The following RABL6 variants were observed in gnomAD, a reference collection of about 807,000 sequenced individuals.
RABL6 encodes the protein RAB, member RAS oncogene family like 6.
In RABL6, 28 loss-of-function variants were observed where a neutral mutation model predicts 72.9. The observed-to-expected ratio is 0.38, with a 90% CI of 0.28 to 0.53. RABL6 has a LOEUF of 0.53. RABL6 is among the 20% of genes least tolerant of loss of function. The probability of loss-of-function intolerance (pLI) is 0.80; values close to 1 mark genes in which losing one functional copy is unlikely to be tolerated. For missense variants in RABL6, 1,029 were observed against 1,008.4 expected (o/e 1.02, Z -0.28); for synonymous variants, 477 against 421.2 (o/e 1.13, Z -1.62).
chr9:136,840,393 G>GCGGCGA lies in RABL6; in HGVS notation c.2067_2072dup (p.Arg690_Arg691dup). ...AGGACAAGGAGGAGGGCAAGGAGGA[G>GCGGCGA]CGGCGACGGCGGCAGCAGCGGCCCC... On this transcript the variant is annotated inframe_insertion, in exon 15 of 15. Coordinates refer to ENST00000311502, the MANE Select transcript of RABL6 (RefSeq NM_024718.5). 6.4e-7 allele frequency: 1 copy of GCGGCGA among 1,551,588 alleles called. No individual in the cohort carries two copies. Among genetic ancestry groups the GCGGCGA allele is most frequent in the Admixed American group, 2.0e-5 (1 of 51,072 alleles).
intron 7 of RABL6, 120 bp downstream of exon 7, chr9:136,832,490 T>C (rs1848498390): frequency 2.3e-6 from 2 of 875,572 alleles, no homozygotes; most frequent in East Asian, 2.5e-5. Context: ...TGCTCGGAGA[T>C]TGGCTGCTGG....
chr9:136,839,569 A>T, intron 12 of RABL6, 83 bp downstream of exon 12: 1 of 1,554,000 alleles, frequency 6.4e-7, no homozygotes, highest in Non-Finnish European at 8.7e-7. Flanking sequence ...GTGCAGTGGG[A>T]GGAGGCTTCT....
chr9:136,822,778 C>G (rs776902901), intron 1 of RABL6, among the ~76,000 whole-genome samples: 2 of 152,212 alleles, frequency 1.3e-5, no homozygotes, highest in African/African-American at 2.4e-5. Context: ...GCAGGCCCCG[C>G]GTTCTGCAGA....
In RABL6 at chr9:136,840,226, C is replaced by G. The variant is rs1848664557; in HGVS notation, c.1989+14C>G. ...AAAGGCAAAGAGGTACTGGCTACTC[C>G]CCTTCCTGGCAGGCCAGGACTGGGT... On this transcript the variant is annotated intron_variant, in intron 14 of 14. Coordinates refer to ENST00000311502, the MANE Select transcript of RABL6 (RefSeq NM_024718.5). 1.9e-6 allele frequency: 3 copies of G among 1,612,582 alleles called. No individual in the cohort carries two copies. The highest frequency in any genetic ancestry group is 2.5e-6 in the Non-Finnish European group (3 of 1,179,810).
chr9:136,825,870 T>C, intron 3 of RABL6, 44 bp downstream of exon 3: 1 of 1,580,200 alleles, frequency 6.3e-7, no homozygotes, highest in East Asian at 2.2e-5. Flanking sequence ...TGGGACTGTG[T>C]GCTCTGCGCA....
In RABL6 at chr9:136,833,846, T is replaced by C; in HGVS notation, c.705+1476T>C. ...TTGGAAGGAAGGCGGCAGTCAGACTTGTCCTGTGCCGGCACTGCTGGGGAG... is the reference window on the plus strand; with the variant it reads ...TTGGAAGGAAGGCGGCAGTCAGACTCGTCCTGTGCCGGCACTGCTGGGGAG... On this transcript the variant is annotated intron_variant, in intron 7 of 14. Coordinates refer to ENST00000311502, the MANE Select transcript of RABL6 (RefSeq NM_024718.5). 6 of 1,550,518 alleles carry C rather than the reference T, an allele frequency of 3.9e-6. No individual in the cohort carries two copies. The South Asian group carries it at 7.1e-5, about 18-fold the overall frequency.
Position 136,822,981 on chromosome 9 carries a change from G to A in RABL6, c.131-544G>A, listed in dbSNP as rs572915697. ...CGGGCGCCTGTAGTCCCAGCTACTC[G>A]GGAGGCTGAGACAGGAGAATGGCGT... On this transcript the variant is annotated intron_variant, in intron 1 of 14. Transcript: ENST00000311502. Among the ~76,000 whole-genome samples the A allele has an allele frequency of 5.1e-3, 774 of 152,134 alleles. 9 individuals are homozygous for A. Among genetic ancestry groups the A allele is most frequent in the African/African-American group, 0.017 (725 of 41,486 alleles).
chr9:136,832,948 C>T (rs1308589915), intron 7 of RABL6: 3 of 335,068 alleles, frequency 9.0e-6, no homozygotes, highest in African/African-American at 2.2e-5. Context: ...AACCTCCTCG[C>T]CCTGGGCTGC....
At chr9:136,837,230 C>A (rs55947586) in intron 8 of RABL6, 116 bp from the exon 9 acceptor site, 2 of 1,225,694 alleles carry the variant, frequency 1.6e-6, no homozygotes, top group Admixed American at 4.0e-5. Context: ...GGCGGGTGGC[C>A]CAGAACACAG....
chr9:136,824,084 G>A (rs559536157), intron 2 of RABL6, among the ~76,000 whole-genome samples: 111 of 152,212 alleles, frequency 7.3e-4, no homozygotes, highest in Non-Finnish European at 1.3e-3. Context: ...TGGAAAGTTC[G>A]TGTCACTAAA....
At chr9:136,818,362 C>CAAAAAAAAAAAAAAAACAAAA (rs1564360779) in intron 1 of RABL6, among the ~76,000 whole-genome samples, 3 of 15,022 alleles carry the variant, frequency 2.0e-4, no homozygotes, top group Non-Finnish European at 3.7e-4. Flanking sequence ...GACTCTGTCT[C>CAAAAAAAAAAAAAAAACAAAA]AAAAAAAAAA....
chr9:136,825,770 C>T lies in RABL6; in HGVS notation c.266-9C>T. 1 of 1,613,346 alleles carries T rather than the reference C, an allele frequency of 6.2e-7. No individual in the cohort carries two copies. Among genetic ancestry groups the T allele is most frequent in the Non-Finnish European group, 8.5e-7 (1 of 1,179,316 alleles). ...TTGGGCACTAATTTTAGGATTCTCC[C>T]TGTTTCAGCCACGGATGACATCGTG... On this transcript the variant is annotated splice_polypyrimidine_tract_variant and intron_variant, in intron 2 of 14. Coordinates refer to ENST00000311502, the MANE Select transcript of RABL6 (RefSeq NM_024718.5).
intron 1 of RABL6, among the ~76,000 whole-genome samples, chr9:136,818,041 A>G (rs1848155462): frequency 6.9e-6 from 1 of 145,026 alleles, no homozygotes; most frequent in Admixed American, 7.0e-5. Flanking sequence ...CAGCCTGGGC[A>G]ACAGAACAAG....
At chr9:136,808,678 G>A (rs1847928833) in intron 1 of RABL6, 1 of 154,192 alleles carries the variant, frequency 6.5e-6, no homozygotes, top group South Asian at 2.1e-4. Context: ...CCGGCCCGGG[G>A]CGCCGCGCCC....
rs762896475 is a variant in RABL6 at position 136,840,169 on chromosome 9, C to T, written c.1946C>T (p.Thr649Ile). The change falls in exon 14 of 15, where the codon ACC becomes ATC. Residue 649 changes from threonine (T) to isoleucine (I), a missense_variant. Around this residue, in one of 2 missense-constraint regions of RABL6, gnomAD observed 595 missense variants for 472.4 expected, o/e 1.26. Coordinates refer to ENST00000311502, the MANE Select transcript of RABL6 (RefSeq NM_024718.5). ...GTCTGTGCAGGTAAGGAGGGCAAAACCCCCTCTAAGGAGAAGAAGAAGAAG... is the reference window on the plus strand; with the variant it reads ...GTCTGTGCAGGTAAGGAGGGCAAAATCCCCTCTAAGGAGAAGAAGAAGAAG... The part of the protein sequence containing the change: ...ESSEEGKEGK[T>I]PSKEKKKKKK... The T allele has an allele frequency of 1.7e-5, 28 of 1,612,638 alleles. 2 individuals carry two copies. The highest frequency in any genetic ancestry group is 6.6e-5 in the South Asian group (6 of 91,076).
chr9:136,834,104 GTC>G, intron 7 of RABL6: 5 of 1,324,066 alleles, frequency 3.8e-6, no homozygotes, highest in Non-Finnish European at 3.9e-6. Context: ...GTCCTCGCCT[GTC>G]TCAGCAGCGG....
intron 10 of RABL6, 150 bp downstream of exon 10, chr9:136,838,165 G>A: frequency 9.5e-7 from 1 of 1,055,164 alleles, no homozygotes; most frequent in Non-Finnish European, 1.4e-6. Flanking sequence ...TGTGGCTGGA[G>A]CAGACGAGGG....
rs746339336 is a variant in RABL6, at chr9:136,837,978, A to G, written c.1243A>G (p.Lys415Glu). The change falls in exon 10 of 15, where the codon AAG (lysine) becomes GAG (glutamate). Residue 415 changes from lysine to glutamate, a missense_variant. By Grantham distance (56) the Lys-to-Glu change is moderately conservative (BLOSUM62 1). Coordinates refer to ENST00000311502, the MANE Select transcript of RABL6 (RefSeq NM_024718.5). ...EDTTPARDEK[K>E]VGAKAAQQDS... ...CACAACCCCCGCCAGGGACGAGAAG[A>G]AGGTGGGGGCCAAGGCTGCCCAGCA... 8.9e-6 allele frequency: 14 copies of G among 1,569,518 alleles called. No individual in the cohort carries two copies. The Middle Eastern group carries it at 1.2e-3, about 131-fold the overall frequency.
At position 136,837,373 on chromosome 9, in the gene RABL6, C is replaced by T; in HGVS notation, c.837C>T (p.Ser279=). 1 of 1,603,292 alleles carries T rather than the reference C, an allele frequency of 6.2e-7. No individual in the cohort carries two copies. Among genetic ancestry groups the T allele is most frequent in the Non-Finnish European group, 8.5e-7 (1 of 1,175,862 alleles). Residue 279 remains serine (S), a synonymous_variant, in exon 9 of 15, where the codon AGC becomes AGT. Transcript: ENST00000311502. ...GIFLEMMEAR[S]RGHASPLAAN... is the part of the protein sequence containing the mutation. ...TCCTGGAGATGATGGAGGCTCGCAG[C>T]CGTGGCCATGCGTCCCCACTGGCGG...
Sources: allele counts gnomAD v4.1 joint callset (sites outside exome capture counted in the v4.1 genomes callset), GRCh38; gene constraint gnomAD v4.1.1; regional missense constraint gnomAD v4.1.1; transcripts MANE v1.5; gene names NCBI Gene and HGNC (gene_info 2026-07-23, HGNC 2026-07-21).